The following VWA8 variants were observed in gnomAD, a reference collection of about 807,000 sequenced individuals.
VWA8 encodes the protein von Willebrand factor A domain containing 8, also known as von Willebrand factor A domain-containing protein 8.
Under a neutral mutation model 241.5 loss-of-function variants are expected in VWA8, and 221 were observed. The observed-to-expected ratio is 0.91, with a 90% CI of 0.82 to 1.02. VWA8 has a LOEUF of 1.02. Ranked by LOEUF, VWA8 falls within the 50% of genes least tolerant of loss-of-function variation. VWA8 has a pLI of 0.00. For synonymous variants in VWA8, 852 were observed against 827.1 expected (o/e 1.03, Z -0.52); for missense variants, 2,322 against 2,328.7 (o/e 1.00, Z 0.06).
At chr13:41,792,790 TATTAG>T (rs144501592) in intron 17 of VWA8, among the ~76,000 whole-genome samples, 2,126 of 152,204 alleles carry the variant, frequency 0.014, 14 homozygotes, top group East Asian at 0.02. Context: ...ACATGATATT[TATTAG>T]ATTATTCTTA....
At chr13:41,689,586 AC>A (rs2045162024) in intron 33 of VWA8, 78 bp from the exon 34 acceptor site, 2 of 1,324,388 alleles carry the variant, frequency 1.5e-6, no homozygotes, top group Admixed American at 5.5e-5. Flanking sequence ...TTTATTCTCA[AC>A]AAGTCAAATG....
chr13:41,599,320 T>C (rs183495567), intron 40 of VWA8, among the ~76,000 whole-genome samples: 24 of 152,294 alleles, frequency 1.6e-4, no homozygotes, highest in Admixed American at 1.2e-3. Flanking sequence ...AATTCCCTTA[T>C]TATTTCTGCT....
At chr13:41,596,006 A>AT (rs975532422) in intron 40 of VWA8, among the ~76,000 whole-genome samples, 2 of 152,172 alleles carry the variant, frequency 1.3e-5, no homozygotes, top group African/African-American at 4.8e-5. Context: ...GCTTAAAATA[A>AT]TTTTTTTAGC....
chr13:41,637,479 G>T (rs550085950), intron 37 of VWA8, among the ~76,000 whole-genome samples: 12 of 150,532 alleles, frequency 8.0e-5, no homozygotes, highest in Middle Eastern at 3.5e-3. Context: ...CGAGTTAATG[G>T]GTGCAGCACA....
At chr13:41,902,755 C>T (rs957380004) in intron 4 of VWA8, among the ~76,000 whole-genome samples, 1 of 152,162 alleles carries the variant, frequency 6.6e-6, no homozygotes, top group Non-Finnish European at 1.5e-5. Flanking sequence ...AAACCTCTTG[C>T]TTTATCATCA....
chr13:41,719,449 C>A, intron 26 of VWA8, 142 bp downstream of exon 26: 1 of 1,477,756 alleles, frequency 6.8e-7, no homozygotes, highest in Non-Finnish European at 8.9e-7. Context: ...TGAAAAGCAG[C>A]CAGCAAACAG....
intron 20 of VWA8, among the ~76,000 whole-genome samples, chr13:41,770,919 A>G (rs2045817833): frequency 6.6e-6 from 1 of 150,642 alleles, no homozygotes; most frequent in Admixed American, 6.6e-5. Context: ...AAAAAAAAAA[A>G]AAAGCTGACA....
intron 37 of VWA8, among the ~76,000 whole-genome samples, chr13:41,634,380 A>C (rs1002604910): frequency 6.6e-6 from 1 of 152,158 alleles, no homozygotes. Flanking sequence ...TAGTCATGTG[A>C]GGTAGCTTAA....
chr13:41,709,934 A>T (rs1240840009), intron 26 of VWA8, among the ~76,000 whole-genome samples: 2 of 152,044 alleles, frequency 1.3e-5, no homozygotes, highest in Non-Finnish European at 2.9e-5. Context: ...AACATGCACC[A>T]CCACTCCTGG....
chr13:41,821,457 G>A (rs970537728), intron 14 of VWA8, among the ~76,000 whole-genome samples: 5 of 152,112 alleles, frequency 3.3e-5, no homozygotes, highest in Admixed American at 6.5e-5. Context: ...TGCTAGCTAG[G>A]TTCCACAAGC....
At chr13:41,775,361 C>G (rs1304587703) in intron 20 of VWA8, among the ~76,000 whole-genome samples, 1 of 152,154 alleles carries the variant, frequency 6.6e-6, no homozygotes, top group Non-Finnish European at 1.5e-5. Flanking sequence ...AATACAATCT[C>G]CCTTTGTAAT....
At chr13:41,828,124 T>C (rs1459571868) in intron 14 of VWA8, among the ~76,000 whole-genome samples, 2 of 152,210 alleles carry the variant, frequency 1.3e-5, no homozygotes, top group African/African-American at 2.4e-5. Context: ...AATTTGATAA[T>C]GTATACCTCG....
chr13:41,606,550 T>C (rs2139657362), intron 39 of VWA8, among the ~76,000 whole-genome samples: 1 of 152,314 alleles, frequency 6.6e-6, no homozygotes, highest in Non-Finnish European at 1.5e-5. Context: ...GTGTGTTATG[T>C]ATATGCATGC....
At position 41,701,435 on chromosome 13, in the gene VWA8, T is replaced by C; in HGVS notation, c.3321A>G (p.Pro1107=). The C allele has an allele frequency of 6.2e-7, 1 of 1,611,288 alleles. No individual in the cohort carries two copies. The highest frequency in any genetic ancestry group is 1.7e-4 in the Middle Eastern group (1 of 6,048). ...CACAGATTATATTAATTTCATCCAA[T>C]GGTATTCTCCATGAGGCACATTCTT... The part of the protein sequence containing the change: ...FTEECASWRI[P]LDEINIICDI... Residue 1107 remains proline, a synonymous_variant, in exon 28 of 45, where the codon CCA becomes CCG. Transcript: ENST00000379310.
At chr13:41,812,022 C>T (rs1311526139) in intron 16 of VWA8, among the ~76,000 whole-genome samples, 4 of 152,080 alleles carry the variant, frequency 2.6e-5, no homozygotes, top group Admixed American at 6.6e-5. Context: ...TCAGATAAGT[C>T]GGTATCCTAT....
intron 6 of VWA8, 59 bp from the exon 7 acceptor site, chr13:41,886,889 A>G: frequency 7.4e-7 from 1 of 1,356,248 alleles, no homozygotes; most frequent in Non-Finnish European, 1.0e-6. Context: ...GATTAAATGC[A>G]AATGTTTTGT....
intron 12 of VWA8, among the ~76,000 whole-genome samples, chr13:41,835,925 C>T (rs11619059): frequency 0.14 from 22,012 of 151,938 alleles, 1,683 homozygotes; most frequent in East Asian, 0.18. Flanking sequence ...CACAGTTTAG[C>T]GCAGTGGTTC....
At chr13:41,897,959 C>T (rs2138093795) in intron 4 of VWA8, among the ~76,000 whole-genome samples, 2 of 152,260 alleles carry the variant, frequency 1.3e-5, no homozygotes, top group South Asian at 4.1e-4. Context: ...CTGACTGGTG[C>T]GTTTACAATC....
At chr13:41,684,029 CAT>C (rs1391188950) in intron 35 of VWA8, among the ~76,000 whole-genome samples, 3 of 152,170 alleles carry the variant, frequency 2.0e-5, no homozygotes, top group Non-Finnish European at 4.4e-5. Flanking sequence ...AGAGTCAACT[CAT>C]AGTCTCCAGA....
Sources: allele counts gnomAD v4.1 joint callset (sites outside exome capture counted in the v4.1 genomes callset), GRCh38; gene constraint gnomAD v4.1.1; transcripts MANE v1.5; gene names NCBI Gene and HGNC (gene_info 2026-07-23, HGNC 2026-07-21).